Variants in IL3RA observed in about 807,000 individuals in gnomAD.
IL3RA encodes interleukin-3 receptor subunit alpha.
In IL3RA, 73 loss-of-function variants were observed where a neutral mutation model predicts 52.3. The ratio of observed to expected loss-of-function variants is 1.40; its 90% CI spans 1.16 to 1.70. IL3RA has a LOEUF of 1.70. Ranked by LOEUF, IL3RA falls within the 40% of genes most tolerant of loss-of-function variation. IL3RA has a pLI of 0.00. For synonymous variants in IL3RA, 260 were observed against 194.0 expected, an observed-to-expected ratio of 1.34 and a Z score of -2.83; for missense variants, 664 against 504.4, an observed-to-expected ratio of 1.32 and a Z score of -3.03.
At chrX:1,354,575 A>G (rs2086478317) in intron 6 of IL3RA, among the ~76,000 whole-genome samples, 1 of 119,560 alleles carries the variant, frequency 8.4e-6, no homozygotes. Context: ...GAGGAGGAAG[A>G]GAAGAAAACG....
At chrX:1,364,144 C>T (rs1442705511) in intron 8 of IL3RA, among the ~76,000 whole-genome samples, 4 of 146,798 alleles carry the variant, frequency 2.7e-5, no homozygotes, top group South Asian at 2.2e-4. Flanking sequence ...GCCGAGATCA[C>T]GCCACTGCAC....
intron 9 of IL3RA, among the ~76,000 whole-genome samples, chrX:1,367,179 G>C (rs1472168582): frequency 4.6e-5 from 2 of 43,390 alleles, no homozygotes; most frequent in South Asian, 1.0e-3. Flanking sequence ...CCGGGTGCGC[G>C]GGGTGAGCGG....
At chrX:1,360,999 G>C (rs866261973) in intron 8 of IL3RA, among the ~76,000 whole-genome samples, 2 of 49,902 alleles carry the variant, frequency 4.0e-5, no homozygotes, top group Non-Finnish European at 3.2e-5. Flanking sequence ...TCCCCTCTCT[G>C]TCTCTCTCTC....
At chrX:1,352,586 C>T in intron 6 of IL3RA, 80 bp downstream of exon 6, 4 of 1,414,870 alleles carry the variant, frequency 2.8e-6, no homozygotes, top group Non-Finnish European at 3.9e-6. Flanking sequence ...CCCACGGGAC[C>T]ACGTGGCTCC....
chrX:1,348,409 C>G (rs1355778423), intron 3 of IL3RA, 22 bp from the exon 4 acceptor site: 3 of 1,550,332 alleles, frequency 1.9e-6, no homozygotes, highest in Non-Finnish European at 2.7e-6. Flanking sequence ...CAGCAGCCAT[C>G]ATAGTCCTAT....
intron 4 of IL3RA, among the ~76,000 whole-genome samples, chrX:1,350,648 TC>T (rs1399064327): frequency 1.4e-5 from 2 of 147,576 alleles, no homozygotes; most frequent in African/African-American, 5.0e-5. Context: ...ACACCTGTAA[TC>T]CCAGCACTTT....
At chrX:1,343,402 C>T (rs766524040) in intron 2 of IL3RA, among the ~76,000 whole-genome samples, 81 of 152,018 alleles carry the variant, frequency 5.3e-4, no homozygotes, top group Admixed American at 9.8e-4. Context: ...CAACGGCTCA[C>T]GTCTGTAATC....
chrX:1,380,489 A>G (rs1324946842), intron 10 of IL3RA, among the ~76,000 whole-genome samples: 2 of 2,804 alleles, frequency 7.1e-4, no homozygotes, highest in African/African-American at 4.3e-3. Context: ...GGAGGGGGGA[A>G]AGGAGGGGGA....
At chrX:1,357,995 C>G (rs1222657050) in intron 7 of IL3RA, among the ~76,000 whole-genome samples, 1 of 151,344 alleles carries the variant, frequency 6.6e-6, no homozygotes, top group Admixed American at 6.6e-5. Context: ...GTCCCAGCTA[C>G]TTGGGAGGCT....
intron 1 of IL3RA, among the ~76,000 whole-genome samples, chrX:1,341,279 G>A (rs1327582506): frequency 6.8e-6 from 1 of 147,304 alleles, no homozygotes; most frequent in African/African-American, 2.5e-5. Flanking sequence ...CAGCCTGGAC[G>A]ACAAGGGCGA....
intron 2 of IL3RA, among the ~76,000 whole-genome samples, 169 bp from the exon 3 acceptor site, chrX:1,345,147 G>A (rs778036967): frequency 2.4e-4 from 35 of 148,078 alleles, no homozygotes; most frequent in Admixed American, 1.8e-3. Context: ...CAGCCAGGGC[G>A]ACAAGAGTGA....
At chrX:1,339,738 A>G (rs1481450526) in intron 1 of IL3RA, among the ~76,000 whole-genome samples, 5 of 151,904 alleles carry the variant, frequency 3.3e-5, no homozygotes, top group East Asian at 1.9e-4. Context: ...GTTGCAGTGA[A>G]CCAAGATCGC....
Position 1,370,685 on chromosome X carries a change from G to C in IL3RA, c.874+5433G>C, listed in dbSNP as rs1386509553. On this transcript the variant is annotated intron_variant, in intron 9 of 11. Transcript: ENST00000331035. Reference sequence around the variant, plus strand: ...CCTCCAGGGCTGTGGGAGAATCAATGTGTTTTGTTTCTAAGCCGCCCAGCC... The same window carrying C: ...CCTCCAGGGCTGTGGGAGAATCAATCTGTTTTGTTTCTAAGCCGCCCAGCC... Among the ~76,000 whole-genome samples, 10 of 14,474 alleles carry C rather than the reference G, an allele frequency of 6.9e-4. 1 individual carries two copies. The East Asian group carries it at 0.016, about 24-fold the overall frequency. The allele number at this position is 14,474 out of a possible 152,430, so 9.5% of individuals were successfully genotyped here.
chrX:1,342,720 C>A (rs1380172176), intron 2 of IL3RA, among the ~76,000 whole-genome samples: 1 of 151,320 alleles, frequency 6.6e-6, no homozygotes, highest in East Asian at 2.0e-4. Flanking sequence ...GCCACCACGC[C>A]CAGCTAATTT....
chrX:1,379,595 C>CCCCTG lies in IL3RA; in HGVS notation c.980+840_980+844dup, dbSNP rs1457304357. On this transcript the variant is annotated intron_variant, in intron 10 of 11. Transcript: ENST00000331035. ...GGGTGGAGGAAGCAGGGCCGGTCCT[C>CCCCTG]CCCTGCCCTGCCCAGCGGGCCTGAC... 3.3e-5 allele frequency among the ~76,000 whole-genome samples: 5 copies of CCCCTG among 152,238 alleles called. No homozygotes were observed. In the South Asian group the frequency reaches 8.3e-4, roughly 25 times the overall value.
At chrX:1,348,372 A>G (rs2085872062) in intron 3 of IL3RA, 59 bp from the exon 4 acceptor site, 2 of 1,331,964 alleles carry the variant, frequency 1.5e-6, no homozygotes, top group Admixed American at 3.4e-5. Context: ...TCTGAACATC[A>G]TTAGCGTCAA....
At chrX:1,380,952 A>C (rs2089149422) in intron 10 of IL3RA, 71 bp from the exon 11 acceptor site, 1 of 1,292,292 alleles carries the variant, frequency 7.7e-7, no homozygotes, top group Non-Finnish European at 1.1e-6. Flanking sequence ...TCTGTCCTGG[A>C]CACGCTGTGT....
chrX:1,361,063 C>T (rs2087270433), intron 8 of IL3RA, among the ~76,000 whole-genome samples: 3 of 76,342 alleles, frequency 3.9e-5, no homozygotes, highest in East Asian at 6.2e-4. Flanking sequence ...CTCCCTTCCC[C>T]TCTCTGTCTC....
intron 2 of IL3RA, among the ~76,000 whole-genome samples, chrX:1,342,559 CTTTT>C (rs751414193): frequency 2.7e-5 from 3 of 111,338 alleles, no homozygotes; most frequent in Non-Finnish European, 3.6e-5. Flanking sequence ...TCTTTAACTT[CTTTT>C]TTTTTTTTTT....
Sources: gnomAD v4.1 joint callset for allele counts (sites outside exome capture counted in the v4.1 genomes callset) on GRCh38, gnomAD v4.1.1 for gene constraint, MANE v1.5 for transcripts, NCBI Gene and HGNC (gene_info 2026-07-23, HGNC 2026-07-21) for gene names.